The following PCDHGA9 variants were observed in gnomAD, a reference collection of about 807,000 sequenced individuals.
The protein encoded by PCDHGA9 is protocadherin gamma subfamily A, 9.
A neutral mutation model predicts 62.5 loss-of-function variants in PCDHGA9; 37 were observed. That is an observed-to-expected ratio of 0.59 (90% CI 0.46 to 0.78). The LOEUF (loss-of-function observed/expected upper bound fraction) is 0.78, where lower values mean the gene tolerates loss of function less well. PCDHGA9 is among the 30% of genes least tolerant of loss of function. PCDHGA9 has a pLI of 0.00. For synonymous variants in PCDHGA9, 459 were observed against 484.6 expected (o/e 0.95, Z 0.69); for missense variants, 1,138 against 1,166.2 (o/e 0.98, Z 0.35).
intron 1 of PCDHGA9, among the ~76,000 whole-genome samples, chr5:141,429,377 GT>G (rs566693637): frequency 1.3e-4 from 20 of 149,526 alleles, no homozygotes; most frequent in South Asian, 8.5e-4. Flanking sequence ...GAGAAAATGT[GT>G]TTTTTTTTTA....
intron 1 of PCDHGA9, among the ~76,000 whole-genome samples, chr5:141,484,122 T>C (rs1343894991): frequency 6.6e-6 from 1 of 152,180 alleles, no homozygotes; most frequent in African/African-American, 2.4e-5. Context: ...CAAGAATACC[T>C]TGGTGTCAGA....
At chr5:141,453,786 A>G (rs2098774297) in intron 1 of PCDHGA9, among the ~76,000 whole-genome samples, 1 of 152,252 alleles carries the variant, frequency 6.6e-6, no homozygotes, top group Non-Finnish European at 1.5e-5. Flanking sequence ...TTACCATGGT[A>G]TATTAACTTT....
At chr5:141,461,251 A>G (rs925406409) in intron 1 of PCDHGA9, among the ~76,000 whole-genome samples, 1 of 152,156 alleles carries the variant, frequency 6.6e-6, no homozygotes, top group Non-Finnish European at 1.5e-5. Flanking sequence ...TTATATTCCC[A>G]GCAGCAATGT....
Position 141,404,300 on chromosome 5 carries a change from C to T in PCDHGA9, c.1348C>T (p.Pro450Ser), listed in dbSNP as rs749132060. The change falls in exon 1 of 4, where the codon CCT becomes TCT. Residue 450 changes from proline to serine, a missense_variant. Coordinates refer to ENST00000573521, the MANE Select transcript of PCDHGA9 (RefSeq NM_018921.3). ...AGTGACTGACATCAATGATAATCCA[C>T]CTGCTTTCTCTCAAGCCTCCTACTC... ...LQVTDINDNPPAFSQASYSVY... is the reference protein window; with the variant it reads ...LQVTDINDNPSAFSQASYSVY... 1.9e-6 allele frequency: 3 copies of T among 1,613,862 alleles called. No individual in the cohort carries two copies. Among genetic ancestry groups the T allele is most frequent in the South Asian group, 2.2e-5 (2 of 91,084 alleles).
At chr5:141,410,338 C>T (rs1050053577) in intron 1 of PCDHGA9, 35 of 1,613,900 alleles carry the variant, frequency 2.2e-5, no homozygotes, top group Non-Finnish European at 2.2e-5. Context: ...TGGCCATTGC[C>T]TTGCGCCTGC....
intron 1 of PCDHGA9, chr5:141,417,070 G>A (rs1324168481): frequency 6.6e-6 from 1 of 151,864 alleles, no homozygotes; most frequent in Non-Finnish European, 1.5e-5. Flanking sequence ...TGTAGCTATT[G>A]TGAGAAAATA....
intron 1 of PCDHGA9, chr5:141,478,776 A>T: frequency 1.3e-6 from 2 of 1,488,808 alleles, no homozygotes; most frequent in Non-Finnish European, 1.8e-6. Context: ...TCATCTGTGG[A>T]CCTAATTCAC....
chr5:141,403,791 A>T lies in PCDHGA9; in HGVS notation c.839A>T (p.Lys280Ile). Reference sequence around the variant, plus strand: ...GGAATCAACGGAAAAGTGGCATACAAATTCTGGAAAATTAATGAAAAACAA... The same window carrying T: ...GGAATCAACGGAAAAGTGGCATACATATTCTGGAAAATTAATGAAAAACAA... ...DEGINGKVAYKFWKINEKQSL... is the reference protein window; with the variant it reads ...DEGINGKVAYIFWKINEKQSL... Residue 280 changes from lysine (K) to isoleucine (I), a missense_variant, in exon 1 of 4, where the codon AAA (lysine) becomes ATA (isoleucine). By Grantham distance (102) the Lys-to-Ile change is moderately radical. Transcript: ENST00000573521. The T allele has an allele frequency of 6.2e-7, 1 of 1,613,900 alleles. No individual in the cohort carries two copies.
At position 141,464,036 on chromosome 5, in the gene PCDHGA9, G is replaced by A. The variant is rs907276618; in HGVS notation, c.2425-30771G>A. On this transcript the variant is annotated intron_variant, in intron 1 of 3. Coordinates refer to ENST00000573521, the MANE Select transcript of PCDHGA9 (RefSeq NM_018921.3). ...ATCCCACACTTTGGGAGGCCAAGGC[G>A]GGTGGATCACCTGAGGTCAGGAGTT... Among the ~76,000 whole-genome samples the A allele has an allele frequency of 2.6e-5, 4 of 152,096 alleles. No individual in the cohort carries two copies. The East Asian group carries it at 5.8e-4, about 22-fold the overall frequency.
At position 141,488,726 on chromosome 5, in the gene PCDHGA9, G is replaced by A. The variant is rs1562126303; in HGVS notation, c.2425-6081G>A. 2.0e-5 allele frequency among the ~76,000 whole-genome samples: 3 copies of A among 152,194 alleles called. No homozygotes were observed. The South Asian group carries it at 6.2e-4, about 32-fold the overall frequency. ...TGCTGGTTCAAGCAAAGTGGTGGAA[G>A]CTTCTGAAGTCATGCAGGAAGTTGC... On this transcript the variant is annotated intron_variant, in intron 1 of 3. Transcript: ENST00000573521.
intron 1 of PCDHGA9, chr5:141,419,810 C>G (rs368168278): frequency 1.7e-5 from 27 of 1,613,946 alleles, no homozygotes; most frequent in Non-Finnish European, 2.1e-5. Context: ...AGATGGAGGA[C>G]AGCCACCCCT....
At position 141,404,995 on chromosome 5, in the gene PCDHGA9, T is replaced by G. The variant is rs1561697585; in HGVS notation, c.2043T>G (p.Pro681=). ...ILADLGSLQI[P]ADLEASDLTL... ...CTGACCTGGGCAGTCTTCAGATCCC[T>G]GCAGACCTGGAGGCCTCAGACCTTA... The change falls in exon 1 of 4, where the codon CCT becomes CCG. Residue 681 remains proline, a synonymous_variant. Transcript: ENST00000573521. The G allele has an allele frequency of 6.2e-7, 1 of 1,614,008 alleles. No homozygotes were observed. Among genetic ancestry groups the G allele is most frequent in the Non-Finnish European group, 8.5e-7 (1 of 1,179,878 alleles).
chr5:141,432,934 G>A lies in PCDHGA9; in HGVS notation c.2424+27558G>A. The stretch of plus-strand genomic sequence containing the variant: ...GGCGCTGGCACAAGTCACGCCTGCT[G>A]CAGGCTTCAGGAGGCGGCTTGACAG... On this transcript the variant is annotated intron_variant, in intron 1 of 3. Transcript: ENST00000573521. This position sits in a 1 kb window ranked among gnomAD's most constrained non-coding sequence, Gnocchi z 6.0. 1.9e-6 allele frequency: 3 copies of A among 1,614,196 alleles called. No individual in the cohort carries two copies. Among genetic ancestry groups the A allele is most frequent in the Non-Finnish European group, 2.5e-6 (3 of 1,180,040 alleles).
At position 141,431,359 on chromosome 5, in the gene PCDHGA9, G is replaced by C; in HGVS notation, c.2424+25983G>C. ...CCGAATTGGTGCTGAAACGCGCCCT[G>C]GACCGCGAAGAAAAGGCTGCTCACC... On this transcript the variant is annotated intron_variant, in intron 1 of 3. Coordinates refer to ENST00000573521, the MANE Select transcript of PCDHGA9 (RefSeq NM_018921.3). This position sits in a 1 kb window ranked among gnomAD's most constrained non-coding sequence, Gnocchi z 4.8. The C allele has an allele frequency of 6.2e-7, 1 of 1,614,024 alleles. No homozygotes were observed. Among genetic ancestry groups the C allele is most frequent in the Non-Finnish European group, 8.5e-7 (1 of 1,180,030 alleles).
chr5:141,478,744 T>C, intron 1 of PCDHGA9: 1 of 1,528,172 alleles, frequency 6.5e-7, no homozygotes, highest in Non-Finnish European at 8.8e-7. Flanking sequence ...TGTGGTCCCA[T>C]TTCAGGGGGA....
chr5:141,433,108 G>A (rs2097568903), intron 1 of PCDHGA9: 2 of 1,614,146 alleles, frequency 1.2e-6, no homozygotes, highest in East Asian at 2.2e-5. Context: ...TCAGCCAGGA[G>A]AGCTTTGAAA....
At chr5:141,482,768 CTGA>C (rs2099572195) in intron 1 of PCDHGA9, among the ~76,000 whole-genome samples, 1 of 126,868 alleles carries the variant, frequency 7.9e-6, no homozygotes, top group Admixed American at 7.7e-5. Flanking sequence ...TTCATTATCA[CTGA>C]ACCTTAAACT....
intron 3 of PCDHGA9, among the ~76,000 whole-genome samples, chr5:141,509,345 G>A (rs1203328830): frequency 6.6e-6 from 1 of 152,196 alleles, no homozygotes; most frequent in Non-Finnish European, 1.5e-5. Flanking sequence ...GGCCTGGGCT[G>A]GCCTGGGCAT....
chr5:141,434,401 T>C (rs1036239430), intron 1 of PCDHGA9, among the ~76,000 whole-genome samples: 2 of 152,242 alleles, frequency 1.3e-5, no homozygotes. Context: ...ACAAAATCTC[T>C]GCAGCACTGT....
Sources: allele counts gnomAD v4.1 joint callset (sites outside exome capture counted in the v4.1 genomes callset), GRCh38; gene constraint gnomAD v4.1.1; non-coding constraint Gnocchi (gnomAD v3.1); transcripts MANE v1.5; gene names NCBI Gene and HGNC (gene_info 2026-07-23, HGNC 2026-07-21).